The following MAP3K15 variants were observed in gnomAD, a reference collection of about 807,000 sequenced individuals.
MAP3K15 encodes the protein mitogen-activated protein kinase kinase kinase 15.
Under a neutral mutation model 99.5 loss-of-function variants are expected in MAP3K15, and 124 were observed. The ratio of observed to expected loss-of-function variants is 1.25; its 90% CI spans 1.08 to 1.45. MAP3K15 has a LOEUF of 1.45. MAP3K15 is among the 40% of genes most tolerant of loss of function. The pLI, the probability that MAP3K15 is intolerant of heterozygous loss-of-function variation, is 0.00. For synonymous variants in MAP3K15, 494 were observed against 439.6 expected (o/e 1.12, Z -1.55); for missense variants, 1,242 against 1,079.7 (o/e 1.15, Z -2.11).
chrX:19,504,731 A>C (rs2064463871), intron 1 of MAP3K15, among the ~76,000 whole-genome samples: 1 of 111,661 alleles, frequency 9.0e-6, no homozygotes, highest in Non-Finnish European at 1.9e-5. Flanking sequence ...TGGGAGGCCA[A>C]GGTAGGTGGA....
At chrX:19,456,864 T>C in intron 6 of MAP3K15, 49 bp downstream of exon 6, 1 of 948,382 alleles carries the variant, frequency 1.1e-6, no homozygotes, top group Non-Finnish European at 1.5e-6. Flanking sequence ...GGAAGCACAA[T>C]TCAATGGGTG....
chrX:19,474,552 G>T (rs1427496873), intron 3 of MAP3K15, among the ~76,000 whole-genome samples: 9 of 94,810 alleles, frequency 9.5e-5, no homozygotes, highest in African/African-American at 3.0e-4. Flanking sequence ...TTGGGGGGGG[G>T]GGTCTGTGAA....
chrX:19,475,168 T>C (rs943225453), intron 3 of MAP3K15, among the ~76,000 whole-genome samples: 1 of 111,178 alleles, frequency 9.0e-6, no homozygotes, highest in African/African-American at 3.3e-5. Flanking sequence ...CGGTCCCATC[T>C]GGGAATGATG....
At chrX:19,480,041 C>G in intron 3 of MAP3K15, among the ~76,000 whole-genome samples, 1 of 111,218 alleles carries the variant, frequency 9.0e-6, no homozygotes, top group East Asian at 2.8e-4. Flanking sequence ...CAAGAGTATC[C>G]AAAAGAATAA....
At position 19,456,944 on chromosome X, in the gene MAP3K15, T is replaced by C. The variant is rs202245533; in HGVS notation, c.964A>G (p.Ile322Val). 2.8e-4 allele frequency: 334 copies of C among 1,196,842 alleles called. No individual in the cohort carries two copies. The highest frequency in any genetic ancestry group is 3.6e-4 in the Non-Finnish European group (321 of 893,348). Residue 322 changes from isoleucine (I) to valine (V), a missense_variant, in exon 6 of 29, where the codon ATT (isoleucine) becomes GTT (valine). By Grantham distance (29) the Ile-to-Val change is conservative. Transcript: ENST00000338883. ...AGTGCAAACGCATAGTGGAATTTAA[T>C]GTTATGCTGATCGGCCAAATCACAC... ...PTCDLADQHN[I>V]KFHYAFALNR...
chrX:19,421,711 T>C (rs1483676239), intron 9 of MAP3K15, among the ~76,000 whole-genome samples: 5 of 105,455 alleles, frequency 4.7e-5, no homozygotes, highest in Admixed American at 9.8e-5. Context: ...AAAAAGAGCC[T>C]GCATTGCCAA....
At chrX:19,465,335 G>A (rs1404070128) in intron 3 of MAP3K15, among the ~76,000 whole-genome samples, 1 of 111,796 alleles carries the variant, frequency 8.9e-6, no homozygotes, top group Non-Finnish European at 1.9e-5. Context: ...CAAAGCTTCT[G>A]ATATTCTATT....
At chrX:19,398,153 A>C (rs1324380875) in intron 15 of MAP3K15, 73 bp downstream of exon 15, 1 of 1,164,282 alleles carries the variant, frequency 8.6e-7, no homozygotes, top group East Asian at 3.0e-5. Context: ...ACTCCTCCAC[A>C]CCATGAGCGG....
intron 6 of MAP3K15, among the ~76,000 whole-genome samples, chrX:19,443,961 C>T (rs2147331342): frequency 9.0e-6 from 1 of 111,216 alleles, no homozygotes; most frequent in South Asian, 3.8e-4. Flanking sequence ...AGCCATTTTT[C>T]CATAAATGTG....
At position 19,373,568 on chromosome X, in the gene MAP3K15, C is replaced by T; in HGVS notation, c.2901G>A (p.Arg967=). The change falls in exon 21 of 29, where the codon CGG becomes CGA. Residue 967 remains arginine, a synonymous_variant. Transcript: ENST00000338883. ...GGTGGCCAAGGTGGTGCCTGGGCGC[C>T]CGGGTCCTCTCAAAGAGTGCGTCAG... ...AQPDALFERT[R]APRHHLGHLL... 8.5e-7 allele frequency: 1 copy of T among 1,174,706 alleles called. No individual in the cohort carries two copies. The highest frequency in any genetic ancestry group is 1.1e-6 in the Non-Finnish European group (1 of 876,763).
At chrX:19,422,981 G>T (rs1196688374) in intron 9 of MAP3K15, among the ~76,000 whole-genome samples, 1 of 95,346 alleles carries the variant, frequency 1.0e-5, no homozygotes, top group Non-Finnish European at 2.0e-5. Flanking sequence ...TGAACAATGA[G>T]AACACATGGA....
chrX:19,403,033 A>G (rs1014771534), intron 13 of MAP3K15, among the ~76,000 whole-genome samples: 1 of 111,602 alleles, frequency 9.0e-6, no homozygotes, highest in African/African-American at 3.3e-5. Context: ...GTTTATTTGT[A>G]GGTCAAGAAC....
rs527945946 is a variant in MAP3K15, at chrX:19,411,088, A to G, written c.1699-1115T>C. On this transcript the variant is annotated intron_variant, in intron 11 of 28. Coordinates refer to ENST00000338883, the MANE Select transcript of MAP3K15 (RefSeq NM_001001671.4). ...AGTCCCAGCAACTCAGGAGGCTGAG[A>G]TGGGACAATCAGTTGAACCTGGGAG... Among the ~76,000 whole-genome samples, 41 of 109,786 alleles carry G rather than the reference A, an allele frequency of 3.7e-4. No individual in the cohort carries two copies. In the South Asian group the frequency reaches 0.016, roughly 43 times the overall value.
rs34191166 is a variant in MAP3K15 at position 19,482,179 on chromosome X, C to CAAAAA, written c.525+4298_525+4302dup. ...TGGGCGACAGAGTGAGATTCCAGCTCAAAAAAAAAAAAAAAAAGCCTATAT... is the reference window on the plus strand; with the variant it reads ...TGGGCGACAGAGTGAGATTCCAGCTCAAAAAAAAAAAAAAAAAAAAAAGCCTATAT... On this transcript the variant is annotated intron_variant, in intron 3 of 28. Coordinates refer to ENST00000338883, the MANE Select transcript of MAP3K15 (RefSeq NM_001001671.4). 5.8e-3 allele frequency: 181 copies of CAAAAA among 31,455 alleles called. 15 individuals are homozygous for CAAAAA. Among genetic ancestry groups the CAAAAA allele is most frequent in the African/African-American group, 0.018 (172 of 9,377 alleles). 2.6% of individuals were successfully genotyped at this position (31,455 alleles called of 1,213,427 possible).
At chrX:19,398,401 G>A (rs1471201872) in intron 14 of MAP3K15, 42 bp from the exon 15 acceptor site, 1 of 1,199,223 alleles carries the variant, frequency 8.3e-7, no homozygotes, top group Non-Finnish European at 1.1e-6. Flanking sequence ...CATACAACTT[G>A]TAGCGGAGAA....
chrX:19,397,974 G>A (rs1294100859), intron 15 of MAP3K15, among the ~76,000 whole-genome samples: 1 of 105,080 alleles, frequency 9.5e-6, no homozygotes, highest in South Asian at 4.4e-4. Context: ...TGAGCCATGA[G>A]AATTGCTTGA....
At position 19,431,465 on chromosome X, in the gene MAP3K15, T is replaced by C. The variant is rs373969675; in HGVS notation, c.1139A>G (p.Asp380Gly). The C allele has an allele frequency of 3.7e-5, 44 of 1,198,375 alleles. No individual in the cohort carries two copies. Among genetic ancestry groups the C allele is most frequent in the Middle Eastern group, 4.6e-4 (2 of 4,360 alleles). The change falls in exon 7 of 29, where the codon GAC (aspartate) becomes GGC (glycine). Residue 380 changes from aspartate (D) to glycine (G), a missense_variant. Asp to Gly is a moderately conservative substitution (Grantham distance 94). Coordinates refer to ENST00000338883, the MANE Select transcript of MAP3K15 (RefSeq NM_001001671.4). ...DIFLDSDCKD[D>G]TSRDSAIEWY... ...CTCAATGGCGCTGTCGCGGCTGGTG[T>C]CATCTTTGCAGTCTGAATCCAAGAA...
At chrX:19,398,063 CAAAAAAAAAAA>C (rs147279112) in intron 15 of MAP3K15, among the ~76,000 whole-genome samples, 152 bp downstream of exon 15, 1 of 50,245 alleles carries the variant, frequency 2.0e-5, no homozygotes, top group Non-Finnish European at 4.3e-5. Flanking sequence ...GACTCCGTTT[CAAAAAAAAAAA>C]AAAAAAAAAG....
At chrX:19,376,014 T>C (rs1426573439) in intron 19 of MAP3K15, among the ~76,000 whole-genome samples, 1 of 111,781 alleles carries the variant, frequency 8.9e-6, no homozygotes, top group Non-Finnish European at 1.9e-5. Flanking sequence ...AAGACCAACA[T>C]TCAGGCAAGA....
Sources: gnomAD v4.1 joint callset for allele counts (sites outside exome capture counted in the v4.1 genomes callset) on GRCh38, gnomAD v4.1.1 for gene constraint, MANE v1.5 for transcripts, NCBI Gene and HGNC (gene_info 2026-07-23, HGNC 2026-07-21) for gene names.